Variants in COL14A1 observed in about 807,000 individuals in gnomAD.
COL14A1 encodes the protein collagen type XIV alpha 1 chain.
Under a neutral mutation model 230.3 loss-of-function variants are expected in COL14A1, and 136 were observed. The ratio of observed to expected loss-of-function variants is 0.59; its 90% CI spans 0.51 to 0.68. The LOEUF (loss-of-function observed/expected upper bound fraction) is 0.68. Among genes scored for constraint, COL14A1 ranks in the 30% least tolerant of loss-of-function variants. The pLI is 0.00. For missense variants in COL14A1, 1,976 were observed against 2,215.8 expected, an observed-to-expected ratio of 0.89 and a Z score of 2.17; for synonymous variants, 792 against 784.1, an observed-to-expected ratio of 1.01 and a Z score of -0.17.
At chr8:120,325,732 ATCCACC>A (rs1821640824) in intron 40 of COL14A1, among the ~76,000 whole-genome samples, 1 of 152,092 alleles carries the variant, frequency 6.6e-6, no homozygotes, top group Admixed American at 6.5e-5. Flanking sequence ...ACCTCCAGTG[ATCCACC>A]CTCCTTGGCC....
rs750546332 is a variant in COL14A1, at chr8:120,367,358, T to G, written c.5155+110T>G. ...CATCCTAGTATGTAACTTAAATGGCTGTATTTCTTACTTGTTTTATTGGGA... is the reference window on the plus strand; with the variant it reads ...CATCCTAGTATGTAACTTAAATGGCGGTATTTCTTACTTGTTTTATTGGGA... On this transcript the variant is annotated intron_variant, in intron 46 of 47. Transcript: ENST00000297848. 8.8e-4 allele frequency: 756 copies of G among 855,728 alleles called. 1 individual carries two copies. The highest frequency in any genetic ancestry group is 1.2e-3 in the Non-Finnish European group (667 of 549,084). The allele number at this position is 855,728 out of a possible 1,614,324, so 53.0% of individuals were successfully genotyped here. A position where few individuals can be genotyped will look rare whatever the true frequency, so the allele number is the denominator to read the frequency against.
At chr8:120,256,990 A>G (rs540937855) in intron 23 of COL14A1, among the ~76,000 whole-genome samples, 249 of 152,364 alleles carry the variant, frequency 1.6e-3, no homozygotes, top group South Asian at 7.9e-3. Flanking sequence ...TATCAATGGA[A>G]TCAATAAGAT....
chr8:120,339,360 G>C (rs1033424473), intron 42 of COL14A1, among the ~76,000 whole-genome samples: 1 of 152,214 alleles, frequency 6.6e-6, no homozygotes. Flanking sequence ...CAAACTTGAA[G>C]TGAAATTCAG....
intron 26 of COL14A1, 139 bp from the exon 27 acceptor site, chr8:120,277,972 T>C: frequency 1.3e-6 from 1 of 760,494 alleles, no homozygotes. Context: ...ATGTAACTTG[T>C]ATGAAAGAAA....
chr8:120,216,336 C>G lies in COL14A1; in HGVS notation c.1598-15C>G, dbSNP rs777861759. ...TTTGACATTTTAATTATTTTCTATTCCATTTACTGCCAAGTGGCTTTAAGT... is the reference window on the plus strand; with the variant it reads ...TTTGACATTTTAATTATTTTCTATTGCATTTACTGCCAAGTGGCTTTAAGT... On this transcript the variant is annotated splice_polypyrimidine_tract_variant and intron_variant, in intron 13 of 47. Coordinates refer to ENST00000297848, the MANE Select transcript of COL14A1 (RefSeq NM_021110.4). The G allele has an allele frequency of 1.3e-6, 2 of 1,587,930 alleles. No individual in the cohort carries two copies. Among genetic ancestry groups the G allele is most frequent in the Admixed American group, 1.9e-5 (1 of 52,216 alleles).
chr8:120,245,645 T>TA (rs1351290547), intron 20 of COL14A1, among the ~76,000 whole-genome samples: 2 of 152,130 alleles, frequency 1.3e-5, no homozygotes, highest in African/African-American at 4.8e-5. Flanking sequence ...CACATGGGAT[T>TA]GATCAGTGTC....
At chr8:120,149,323 C>T (rs985433877) in intron 2 of COL14A1, among the ~76,000 whole-genome samples, 2 of 152,210 alleles carry the variant, frequency 1.3e-5, no homozygotes, top group African/African-American at 4.8e-5. Flanking sequence ...TGACTTTTTG[C>T]ATCCACAAAT....
At chr8:120,365,974 A>C (rs920602023) in intron 45 of COL14A1, among the ~76,000 whole-genome samples, 1 of 152,246 alleles carries the variant, frequency 6.6e-6, no homozygotes, top group African/African-American at 2.4e-5. Context: ...AAGATACCAA[A>C]GCTGCAGGTT....
intron 21 of COL14A1, among the ~76,000 whole-genome samples, chr8:120,249,050 C>T (rs112056727): frequency 0.14 from 20,184 of 148,152 alleles, 1,606 homozygotes; most frequent in Non-Finnish European, 0.18. Context: ...CTCAGCTTCT[C>T]CGAGTAGCTG....
intron 21 of COL14A1, among the ~76,000 whole-genome samples, chr8:120,249,780 G>A (rs1176475840): frequency 3.9e-5 from 6 of 152,316 alleles, no homozygotes; most frequent in Non-Finnish European, 8.8e-5. Context: ...TAGGCCAAGT[G>A]GGAGAAATAT....
intron 19 of COL14A1, 101 bp downstream of exon 19, chr8:120,231,719 A>C: frequency 4.1e-6 from 5 of 1,218,198 alleles, no homozygotes; most frequent in Non-Finnish European, 5.7e-6. Context: ...CTCTTTTCTC[A>C]GTGACTCTGC....
intron 2 of COL14A1, among the ~76,000 whole-genome samples, chr8:120,154,104 C>G (rs1815383870): frequency 6.6e-6 from 1 of 152,082 alleles, no homozygotes; most frequent in Non-Finnish European, 1.5e-5. Context: ...TTCAGTGTCC[C>G]TATGTAAAAA....
chr8:120,338,153 G>A (rs1220028134), intron 42 of COL14A1, among the ~76,000 whole-genome samples: 1 of 149,288 alleles, frequency 6.7e-6, no homozygotes, highest in Non-Finnish European at 1.5e-5. Flanking sequence ...GTCAAAAAAT[G>A]TATTGGTGCA....
chr8:120,314,960 C>T (rs1208324423), intron 38 of COL14A1, among the ~76,000 whole-genome samples: 1 of 152,212 alleles, frequency 6.6e-6, no homozygotes, highest in Non-Finnish European at 1.5e-5. Context: ...CATGTATTTA[C>T]AATATTGGCC....
At chr8:120,218,262 A>C (rs1586776113) in intron 14 of COL14A1, among the ~76,000 whole-genome samples, 1 of 49,536 alleles carries the variant, frequency 2.0e-5, no homozygotes, top group Admixed American at 1.7e-4. Flanking sequence ...GTATATGTCT[A>C]TATATATATA....
chr8:120,219,143 C>T (rs990421293), intron 14 of COL14A1, among the ~76,000 whole-genome samples: 16 of 151,900 alleles, frequency 1.1e-4, no homozygotes, highest in Non-Finnish European at 2.1e-4. Context: ...TATTTAGAGA[C>T]GGGGTCTCTG....
intron 19 of COL14A1, 62 bp downstream of exon 19, chr8:120,231,680 G>A: frequency 6.5e-7 from 1 of 1,531,198 alleles, no homozygotes; most frequent in East Asian, 2.3e-5. Context: ...TAATAAGACT[G>A]TCTTCGGAGA....
chr8:120,191,830 G>A (rs889922432), intron 5 of COL14A1, among the ~76,000 whole-genome samples: 2 of 152,096 alleles, frequency 1.3e-5, no homozygotes, highest in Admixed American at 1.3e-4. Flanking sequence ...GATCTTTGAT[G>A]GTTTAAAGTC....
intron 45 of COL14A1, among the ~76,000 whole-genome samples, chr8:120,348,169 G>A (rs910602486): frequency 9.7e-6 from 1 of 102,904 alleles, no homozygotes; most frequent in Non-Finnish European, 2.0e-5. Context: ...AAACTGTGGT[G>A]TATATATATA....
Sources: gnomAD v4.1 joint callset for allele counts (sites outside exome capture counted in the v4.1 genomes callset) on GRCh38, gnomAD v4.1.1 for gene constraint, MANE v1.5 for transcripts, NCBI Gene and HGNC (gene_info 2026-07-23, HGNC 2026-07-21) for gene names.